The following DIPK2A variants were observed in gnomAD, a reference collection of about 807,000 sequenced individuals.
DIPK2A encodes the protein divergent protein kinase domain 2A.
Under a neutral mutation model 39.0 loss-of-function variants are expected in DIPK2A, and 27 were observed. That is an observed-to-expected ratio of 0.69 (90% CI 0.51 to 0.96). The LOEUF (loss-of-function observed/expected upper bound fraction) is 0.96. Among genes scored for constraint, DIPK2A ranks in the 40% least tolerant of loss-of-function variants. The pLI is 0.00. For synonymous variants in DIPK2A, 298 were observed against 240.8 expected (o/e 1.24, Z -2.20); for missense variants, 528 against 571.3 (o/e 0.92, Z 0.77).
rs1050973787 is a variant in DIPK2A, at chr3:143,990,442, T to C, written c.*601T>C. ...GTTTACTGTGTTTTTTTTTTTTTTT[T>C]TTAAAGAAAGCTAAATATTACATTA... On this transcript the variant is annotated 3_prime_UTR_variant, in exon 3 of 3. Coordinates refer to ENST00000315691, the MANE Select transcript of DIPK2A (RefSeq NM_173552.5). The C allele has an allele frequency of 6.6e-6, 1 of 151,954 alleles. No homozygotes were observed. Among genetic ancestry groups the C allele is most frequent in the African/African-American group, 2.4e-5 (1 of 41,380 alleles). The allele number at this position is 151,954 out of a possible 1,614,324, so 9.4% of individuals were successfully genotyped here.
intron 2 of DIPK2A, among the ~76,000 whole-genome samples, chr3:143,986,585 G>A (rs896376151): frequency 1.4e-4 from 21 of 152,118 alleles, no homozygotes; most frequent in African/African-American, 5.1e-4. Context: ...TTAGCCGGGC[G>A]AGGTGGCGGG....
intron 2 of DIPK2A, among the ~76,000 whole-genome samples, chr3:143,986,864 T>A (rs2087909311): frequency 6.9e-6 from 1 of 144,594 alleles, no homozygotes; most frequent in Admixed American, 6.9e-5. Context: ...GGTTTTATAT[T>A]TTTTAATCCC....
intron 1 of DIPK2A, among the ~76,000 whole-genome samples, chr3:143,983,276 T>C (rs1406854711): frequency 6.6e-6 from 1 of 152,178 alleles, no homozygotes; most frequent in African/African-American, 2.4e-5. Context: ...TACACATTCT[T>C]CTCAGCATCA....
chr3:143,972,611 C>G lies in DIPK2A; in HGVS notation c.279C>G (p.Phe93Leu). 3 of 1,612,066 alleles carry G rather than the reference C, an allele frequency of 1.9e-6. No individual in the cohort carries two copies. The highest frequency in any genetic ancestry group is 2.2e-5 in the East Asian group (1 of 44,844). ...TCCTCAACGTGAAGAACGTGTACTT[C>G]GCGCAGTACGGCGAGCCCCGCGAGG... Reference protein sequence around the residue: ...LDFLNVKNVYFAQYGEPREGG... With the variant: ...LDFLNVKNVYLAQYGEPREGG... The change falls in exon 1 of 3, where the codon TTC becomes TTG. Residue 93 changes from phenylalanine (F) to leucine (L), a missense_variant. By Grantham distance (22) the Phe-to-Leu change is conservative. Around this residue, in one of 2 missense-constraint regions of DIPK2A, gnomAD observed 309 missense variants for 289.8 expected, o/e 1.07. Coordinates refer to ENST00000315691, the MANE Select transcript of DIPK2A (RefSeq NM_173552.5).
intron 1 of DIPK2A, among the ~76,000 whole-genome samples, chr3:143,976,364 A>G (rs533375841): frequency 1.3e-3 from 190 of 141,478 alleles, no homozygotes; most frequent in African/African-American, 4.4e-3. Flanking sequence ...TAATCCTATG[A>G]AAAAAAAAAT....
At position 143,990,098 on chromosome 3, in the gene DIPK2A, C is replaced by G. The variant is rs2087959830; in HGVS notation, c.*257C>G. 1 of 424,420 alleles carries G rather than the reference C, an allele frequency of 2.4e-6. No homozygotes were observed. The allele number at this position is 424,420 out of a possible 1,614,324, so 26.3% of individuals were successfully genotyped here. A position where few individuals can be genotyped will look rare whatever the true frequency, so the allele number is the denominator to read the frequency against. Reference sequence around the variant, plus strand: ...AGCTGCTCCCCACTACCCCGGAATGCTTGAGTGGATTAATGAATATTGTTA... The same window carrying G: ...AGCTGCTCCCCACTACCCCGGAATGGTTGAGTGGATTAATGAATATTGTTA... On this transcript the variant is annotated 3_prime_UTR_variant, in exon 3 of 3. Coordinates refer to ENST00000315691, the MANE Select transcript of DIPK2A (RefSeq NM_173552.5).
chr3:143,979,441 C>G (rs1340132941), intron 1 of DIPK2A, among the ~76,000 whole-genome samples: 1 of 152,156 alleles, frequency 6.6e-6, no homozygotes, highest in Admixed American at 6.5e-5. Context: ...ACCTTAGACT[C>G]TGAGACAGAA....
chr3:143,981,957 T>C (rs950703983), intron 1 of DIPK2A, among the ~76,000 whole-genome samples: 4 of 152,224 alleles, frequency 2.6e-5, no homozygotes, highest in African/African-American at 9.6e-5. Flanking sequence ...TACATTTCCT[T>C]TATTGATCAC....
At chr3:143,981,160 C>G (rs926582860) in intron 1 of DIPK2A, among the ~76,000 whole-genome samples, 2 of 152,180 alleles carry the variant, frequency 1.3e-5, no homozygotes, top group Middle Eastern at 3.4e-3. Flanking sequence ...AAAGGGTTAT[C>G]GTGATATTTT....
At chr3:143,978,622 C>CTATATATATATATATATATATA (rs60796376) in intron 1 of DIPK2A, 1 of 121,648 alleles carries the variant, frequency 8.2e-6, no homozygotes, top group Non-Finnish European at 1.8e-5. Context: ...ATATCTATAT[C>CTATATATATATATATATATATA]TATATATATA....
chr3:143,980,577 A>G (rs1052445385), intron 1 of DIPK2A, among the ~76,000 whole-genome samples: 1 of 150,806 alleles, frequency 6.6e-6, no homozygotes, highest in Non-Finnish European at 1.5e-5. Context: ...CCCTTTAAGC[A>G]TTTTCTATGC....
Position 143,972,465 on chromosome 3 carries a change from A to G in DIPK2A, c.133A>G (p.Thr45Ala), listed in dbSNP as rs1270402340. The G allele has an allele frequency of 1.2e-6, 2 of 1,604,278 alleles. No individual in the cohort carries two copies. Among genetic ancestry groups the G allele is most frequent in the African/African-American group, 2.7e-5 (2 of 74,576 alleles). The change falls in exon 1 of 3, where the codon ACC (threonine) becomes GCC (alanine). Residue 45 changes from threonine to alanine, a missense_variant. Physicochemically the swap from Thr to Ala is moderately conservative, Grantham distance 58. Around this residue, in one of 2 missense-constraint regions of DIPK2A, gnomAD observed 309 missense variants for 289.8 expected, o/e 1.07. Coordinates refer to ENST00000315691, the MANE Select transcript of DIPK2A (RefSeq NM_173552.5). ...LLASWQRNEL[T>A]DRRFLQLNKC... ...CGCCTCTTGGCAGCGCAACGAACTG[A>G]CCGACCGGCGCTTCCTGCAGCTCAA...
intron 1 of DIPK2A, chr3:143,978,672 ATATATATATC>A (rs1433429376): frequency 2.3e-5 from 1 of 43,150 alleles, no homozygotes; most frequent in African/African-American, 1.4e-4. Context: ...ATATATAGAT[ATATATATATC>A]TATATATATA....
At chr3:143,975,443 A>G (rs1485475484) in intron 1 of DIPK2A, among the ~76,000 whole-genome samples, 1 of 152,138 alleles carries the variant, frequency 6.6e-6, no homozygotes, top group Non-Finnish European at 1.5e-5. Flanking sequence ...TCTGAACAAT[A>G]TACTTGAGGT....
chr3:143,976,555 T>TGAGAGA (rs1186765697), intron 1 of DIPK2A, among the ~76,000 whole-genome samples: 26 of 118,084 alleles, frequency 2.2e-4, no homozygotes, highest in East Asian at 8.5e-4. Context: ...TGTGTGTGTG[T>TGAGAGA]GAGAGAGAGA....
chr3:143,987,155 T>C (rs2087915210), intron 2 of DIPK2A, among the ~76,000 whole-genome samples: 1 of 152,172 alleles, frequency 6.6e-6, no homozygotes, highest in African/African-American at 2.4e-5. Flanking sequence ...TATTTACCTC[T>C]TCCTACATCT....
intron 1 of DIPK2A, among the ~76,000 whole-genome samples, chr3:143,981,759 T>C (rs1342688941): frequency 1.3e-5 from 2 of 152,174 alleles, no homozygotes; most frequent in Admixed American, 1.3e-4. Context: ...AAAAGGATAT[T>C]GGCTTGAGGG....
rs1220294150 is a variant in DIPK2A at position 143,978,669 on chromosome 3, G to GATAT, written c.657+5689_657+5692dup. 8 of 32,836 alleles carry GATAT rather than the reference G, an allele frequency of 2.4e-4. No individual in the cohort carries two copies. In the East Asian group the frequency reaches 5.9e-3, roughly 24 times the overall value. 2.0% of individuals were successfully genotyped at this position (32,836 alleles called of 1,614,324 possible). ...ATATATATATATATATCTATATATA[G>GATAT]ATATATATATATCTATATATATATA... On this transcript the variant is annotated intron_variant, in intron 1 of 2. Transcript: ENST00000315691.
In DIPK2A at chr3:143,972,713, G is replaced by A. The variant is rs185995589; in HGVS notation, c.381G>A (p.Lys127=). Residue 127 remains lysine, a synonymous_variant, in exon 1 of 3, where the codon AAG becomes AAA. Transcript: ENST00000315691. The part of the protein sequence containing the change: ...ELAQLDQSIC[K]RATGRPRCDL... ...CGCAGCTCGACCAGAGCATCTGCAAGCGGGCCACCGGCCGGCCCCGCTGCG... is the reference window on the plus strand; with the variant it reads ...CGCAGCTCGACCAGAGCATCTGCAAACGGGCCACCGGCCGGCCCCGCTGCG... 2 of 1,599,480 alleles carry A rather than the reference G, an allele frequency of 1.3e-6. No homozygotes were observed. The highest frequency in any genetic ancestry group is 1.1e-5 in the South Asian group (1 of 90,294).
Sources: gnomAD v4.1 joint callset for allele counts (sites outside exome capture counted in the v4.1 genomes callset) on GRCh38, gnomAD v4.1.1 for gene constraint, gnomAD v4.1.1 regional missense constraint, MANE v1.5 for transcripts, NCBI Gene and HGNC (gene_info 2026-07-23, HGNC 2026-07-21) for gene names.